The following CSMD1 variants were observed in gnomAD, a reference collection of about 807,000 sequenced individuals.
The protein encoded by CSMD1 is CUB and Sushi multiple domains 1.
CSMD1 carries 213 observed loss-of-function variants against 417.5 expected under a neutral mutation model. The ratio of observed to expected loss-of-function variants is 0.51; its 90% CI spans 0.46 to 0.57. The LOEUF (loss-of-function observed/expected upper bound fraction) is 0.57. Ranked by LOEUF, CSMD1 falls within the 20% of genes least tolerant of loss-of-function variation. The pLI, the probability that CSMD1 is intolerant of heterozygous loss-of-function variation, is 0.00. For missense variants in CSMD1, 6,923 were observed against 4,529.7 expected (o/e 1.53, Z -15.17); for synonymous variants, 2,862 against 1,736.8 (o/e 1.65, Z -16.11).
chr8:3,010,808 A>G (rs544507538), intron 52 of CSMD1, among the ~76,000 whole-genome samples: 5 of 149,260 alleles, frequency 3.3e-5, no homozygotes, highest in Admixed American at 6.7e-5. Flanking sequence ...TAATGGCATG[A>G]TCTCGGCTCA....
At chr8:3,424,773 C>T (rs892069639) in intron 12 of CSMD1, among the ~76,000 whole-genome samples, 3 of 152,232 alleles carry the variant, frequency 2.0e-5, no homozygotes, top group South Asian at 2.1e-4. Context: ...TTCAAGGAAC[C>T]CTTATTTGAC....
intron 6 of CSMD1, among the ~76,000 whole-genome samples, chr8:3,725,998 G>C (rs551004306): frequency 1.3e-5 from 2 of 152,200 alleles, no homozygotes; most frequent in East Asian, 1.9e-4. Context: ...ACGGAGACCG[G>C]GTCACTGCAA....
At chr8:4,791,925 GTTTC>G (rs1184911048) in intron 1 of CSMD1, among the ~76,000 whole-genome samples, 1 of 150,046 alleles carries the variant, frequency 6.7e-6, no homozygotes, top group Non-Finnish European at 1.5e-5. Flanking sequence ...GATTAATTTA[GTTTC>G]TTTATGTTAG....
At chr8:2,998,374 C>A (rs925636091) in intron 53 of CSMD1, among the ~76,000 whole-genome samples, 190 bp from the exon 54 acceptor site, 1 of 152,216 alleles carries the variant, frequency 6.6e-6, no homozygotes, top group African/African-American at 2.4e-5. Context: ...GCTGACACTA[C>A]AGGCTTTTAA....
At chr8:3,350,422 C>T (rs1293760400) in intron 21 of CSMD1, among the ~76,000 whole-genome samples, 2 of 151,968 alleles carry the variant, frequency 1.3e-5, no homozygotes, top group Non-Finnish European at 2.9e-5. Context: ...GTTTACAAAC[C>T]AAATGTCTTT....
At chr8:4,545,872 A>G (rs1018852927) in intron 2 of CSMD1, among the ~76,000 whole-genome samples, 2 of 152,160 alleles carry the variant, frequency 1.3e-5, no homozygotes, top group African/African-American at 2.4e-5. Flanking sequence ...GGTGTCCTCT[A>G]TCCCCTATAT....
intron 6 of CSMD1, among the ~76,000 whole-genome samples, chr8:3,731,937 T>C (rs570987530): frequency 6.6e-5 from 10 of 152,292 alleles, no homozygotes; most frequent in South Asian, 2.1e-4. Flanking sequence ...TTTGAAACCA[T>C]ACAATGGACT....
At chr8:4,603,209 A>T (rs1800689021) in intron 2 of CSMD1, among the ~76,000 whole-genome samples, 1 of 152,062 alleles carries the variant, frequency 6.6e-6, no homozygotes, top group African/African-American at 2.4e-5. Flanking sequence ...CTGCACACCA[A>T]AGCAATAGAA....
intron 3 of CSMD1, among the ~76,000 whole-genome samples, chr8:4,384,539 G>C (rs1368322843): frequency 1.3e-5 from 2 of 152,158 alleles, no homozygotes; most frequent in Non-Finnish European, 2.9e-5. Flanking sequence ...AATACTTTAT[G>C]AAGTCCTACC....
chr8:4,198,928 G>C (rs76649640), intron 3 of CSMD1, among the ~76,000 whole-genome samples: 1 of 147,076 alleles, frequency 6.8e-6, no homozygotes, highest in South Asian at 2.2e-4. Context: ...GGTTTTTTTT[G>C]TATTTCCGTG....
At chr8:4,203,889 C>G (rs956594526) in intron 3 of CSMD1, among the ~76,000 whole-genome samples, 1 of 152,044 alleles carries the variant, frequency 6.6e-6, no homozygotes, top group African/African-American at 2.4e-5. Context: ...TCCCTTGAGC[C>G]AAGGAGTTTG....
chr8:4,635,576 G>A (rs1353065312), intron 2 of CSMD1, among the ~76,000 whole-genome samples: 1 of 151,978 alleles, frequency 6.6e-6, no homozygotes, highest in Admixed American at 6.6e-5. Flanking sequence ...TTAATGGAAA[G>A]GTAAAGTCAT....
At chr8:4,749,116 T>C (rs1244534278) in intron 1 of CSMD1, among the ~76,000 whole-genome samples, 2 of 152,256 alleles carry the variant, frequency 1.3e-5, no homozygotes, top group African/African-American at 4.8e-5. Context: ...CTTTGCTAAT[T>C]TCACTGCCAC....
chr8:4,696,769 T>C (rs1323231327), intron 1 of CSMD1, among the ~76,000 whole-genome samples: 2 of 152,240 alleles, frequency 1.3e-5, no homozygotes, highest in African/African-American at 2.4e-5. Flanking sequence ...GTCCAATGAC[T>C]GAAGGACTGC....
At chr8:4,876,775 G>C (rs1012409843) in intron 1 of CSMD1, among the ~76,000 whole-genome samples, 1 of 151,974 alleles carries the variant, frequency 6.6e-6, no homozygotes, top group South Asian at 2.1e-4. Context: ...TCATTTCTCA[G>C]TTTTTTGGGG....
intron 10 of CSMD1, among the ~76,000 whole-genome samples, chr8:3,507,008 C>T (rs950000037): frequency 6.6e-6 from 1 of 152,074 alleles, no homozygotes; most frequent in Non-Finnish European, 1.5e-5. Context: ...CATTTTCATA[C>T]AAGATGTTGT....
At chr8:3,216,381 C>G (rs1026537064) in intron 29 of CSMD1, among the ~76,000 whole-genome samples, 1 of 152,124 alleles carries the variant, frequency 6.6e-6, no homozygotes, top group East Asian at 1.9e-4. Context: ...GAAGCATGGA[C>G]TTGTTCACAA....
chr8:3,389,521 C>G (rs1356569950), intron 17 of CSMD1, among the ~76,000 whole-genome samples: 1 of 152,116 alleles, frequency 6.6e-6, no homozygotes, highest in Non-Finnish European at 1.5e-5. Context: ...AAACAGTTAA[C>G]TAAATAATTT....
intron 3 of CSMD1, among the ~76,000 whole-genome samples, chr8:4,248,873 C>G (rs561137643): frequency 6.6e-6 from 1 of 150,806 alleles, no homozygotes. Context: ...AGTCACTCAA[C>G]AGTTTTCTGT....
Sources: gnomAD v4.1 joint callset for allele counts (sites outside exome capture counted in the v4.1 genomes callset) on GRCh38, gnomAD v4.1.1 for gene constraint, MANE v1.5 for transcripts, NCBI Gene and HGNC (gene_info 2026-07-23, HGNC 2026-07-21) for gene names.